KANK2: variants seen among roughly 807,000 people sequenced by gnomAD.
The protein encoded by KANK2 is KN motif and ankyrin repeat domain-containing protein 2.
Under a neutral mutation model 74.6 loss-of-function variants are expected in KANK2, and 41 were observed. That is an observed-to-expected ratio of 0.55 (90% CI 0.43 to 0.71). The LOEUF (loss-of-function observed/expected upper bound fraction) is 0.71. KANK2 is among the 30% of genes least tolerant of loss of function. The probability of loss-of-function intolerance (pLI) is 0.00; values close to 1 mark genes in which losing one functional copy is unlikely to be tolerated. For synonymous variants in KANK2, 537 were observed against 519.0 expected, an observed-to-expected ratio of 1.03 and a Z score of -0.47; for missense variants, 1,148 against 1,196.4, an observed-to-expected ratio of 0.96 and a Z score of 0.60.
chr19:11,173,807 A>G (rs370229), intron 9 of KANK2, among the ~76,000 whole-genome samples: 82,035 of 151,804 alleles, frequency 0.54, 22,565 homozygotes, highest in Non-Finnish European at 0.58. Context: ...CTCCCTCGTT[A>G]GACTGGGAAG....
At chr19:11,192,107 A>G (rs1600824890) in intron 4 of KANK2, among the ~76,000 whole-genome samples, 1 of 152,172 alleles carries the variant, frequency 6.6e-6, no homozygotes, top group African/African-American at 2.4e-5. Flanking sequence ...GGATCCAGCC[A>G]TGCCTGAAGC....
rs184236747 is a variant in KANK2, at chr19:11,174,727, C to T, written c.1849-35G>A. 24 of 1,517,604 alleles carry T rather than the reference C, an allele frequency of 1.6e-5. No individual in the cohort carries two copies. The East Asian group carries it at 1.7e-4, about 11-fold the overall frequency. 94.0% of individuals were successfully genotyped at this position (1,517,604 alleles called of 1,614,324 possible). On this transcript the variant is annotated intron_variant, in intron 8 of 12. Transcript: ENST00000586659. ...AGTCAGGTGGGAGAGGATGTGAGGG[C>T]GGGGGAGGCCCACTGGGACACCCCC...
chr19:11,181,621 T>C (rs2078521166), intron 4 of KANK2, among the ~76,000 whole-genome samples: 1 of 151,724 alleles, frequency 6.6e-6, no homozygotes, highest in Non-Finnish European at 1.5e-5. Flanking sequence ...GAATGGGAAG[T>C]GTGTTTAATG....
chr19:11,176,851 G>A (rs2078356505), intron 6 of KANK2, 34 bp from the exon 7 acceptor site: 1 of 1,488,708 alleles, frequency 6.7e-7, no homozygotes, highest in Non-Finnish European at 8.9e-7. Flanking sequence ...GGGAGATGCT[G>A]CAGGTGGGAT....
intron 10 of KANK2, among the ~76,000 whole-genome samples, chr19:11,171,082 C>T (rs527606611): frequency 1.3e-4 from 20 of 152,238 alleles, no homozygotes; most frequent in African/African-American, 4.1e-4. Flanking sequence ...GGTTTACAGG[C>T]GTGAGCCATC....
At chr19:11,194,236 C>T (rs764244098) in intron 3 of KANK2, among the ~76,000 whole-genome samples, 194 bp from the exon 4 acceptor site, 25 of 152,034 alleles carry the variant, frequency 1.6e-4, no homozygotes, top group South Asian at 6.2e-4. Context: ...TAGGCTATGT[C>T]GCCTCTCAAA....
chr19:11,178,629 C>G lies in KANK2; in HGVS notation c.1341G>C (p.Val447=). Residue 447 remains valine, a synonymous_variant, in exon 5 of 13, where the codon GTG becomes GTC. Coordinates refer to ENST00000586659, the MANE Select transcript of KANK2 (RefSeq NM_001136191.3). ...CCCTGTGGGTGGGCTCCTGGGTGGG[C>G]ACTCGGCCTGTGCTCTTCTCAGGCT... ...LTQPEKSTGR[V]PTQEPTHREP... is the part of the protein sequence containing the mutation. 1 of 1,594,832 alleles carries G rather than the reference C, an allele frequency of 6.3e-7. No individual in the cohort carries two copies.
At chr19:11,180,266 G>T (rs2078475945) in intron 4 of KANK2, among the ~76,000 whole-genome samples, 2 of 152,020 alleles carry the variant, frequency 1.3e-5, no homozygotes, top group African/African-American at 4.8e-5. Flanking sequence ...AGGTTGTTGG[G>T]GTTTTTTTCT....
chr19:11,194,801 T>A, intron 2 of KANK2: 1 of 328,534 alleles, frequency 3.0e-6, no homozygotes, highest in Non-Finnish European at 5.7e-6. Flanking sequence ...CCTCACTGCC[T>A]GCTTGCACAT....
intron 9 of KANK2, among the ~76,000 whole-genome samples, chr19:11,173,995 C>T (rs1346868171): frequency 2.0e-5 from 3 of 151,902 alleles, no homozygotes; most frequent in South Asian, 4.2e-4. Flanking sequence ...AGGGTGGTGC[C>T]CCCCCCATCA....
chr19:11,181,444 AC>A (rs1230298867), intron 4 of KANK2, among the ~76,000 whole-genome samples: 1 of 151,928 alleles, frequency 6.6e-6, no homozygotes, highest in East Asian at 1.9e-4. Flanking sequence ...ACAAGGTTTC[AC>A]CATGTTGGCC....
intron 10 of KANK2, among the ~76,000 whole-genome samples, chr19:11,171,613 A>G (rs1386779674): frequency 6.6e-6 from 1 of 151,488 alleles, no homozygotes; most frequent in Non-Finnish European, 1.5e-5. Flanking sequence ...ACCTCAAGCA[A>G]TTTATCCCGC....
At chr19:11,184,601 G>A (rs2078623348) in intron 4 of KANK2, among the ~76,000 whole-genome samples, 1 of 149,598 alleles carries the variant, frequency 6.7e-6, no homozygotes, top group Admixed American at 6.8e-5. Context: ...ACCAGTCACA[G>A]ACAGTATGTA....
At chr19:11,183,680 C>T (rs1340784538) in intron 4 of KANK2, among the ~76,000 whole-genome samples, 1 of 148,890 alleles carries the variant, frequency 6.7e-6, no homozygotes, top group African/African-American at 2.5e-5. Flanking sequence ...GAGAGAGTCT[C>T]GCATTGTCAC....
intron 4 of KANK2, among the ~76,000 whole-genome samples, chr19:11,180,755 T>C (rs912191212): frequency 3.3e-5 from 5 of 152,076 alleles, no homozygotes; most frequent in African/African-American, 1.2e-4. Context: ...AGATTCACAA[T>C]CTCAATCTCT....
Position 11,166,570 on chromosome 19 carries a change from C to T in KANK2, c.2544G>A (p.Ser848=), listed in dbSNP as rs772013085. 3.7e-6 allele frequency: 6 copies of T among 1,614,016 alleles called. No homozygotes were observed. The African/African-American group carries it at 4.0e-5, about 11-fold the overall frequency. The stretch of plus-strand genomic sequence containing the variant: ...GCCTCCCTCACGGCTACTCTTCTGC[C>T]GAGGATGATGTAGGGCTCTCGTCAT... ...MSDDESPTSS[S]AEE is the part of the protein sequence containing the mutation. Residue 848 remains serine, a synonymous_variant, in exon 13 of 13, where the codon TCG becomes TCA. Coordinates refer to ENST00000586659, the MANE Select transcript of KANK2 (RefSeq NM_001136191.3).
rs201101003 is a variant in KANK2 at position 11,194,449 on chromosome 19, G to A, written c.37+26C>T. The A allele has an allele frequency of 5.6e-5, 89 of 1,602,700 alleles. No individual in the cohort carries two copies. In the Middle Eastern group the frequency reaches 1.7e-3, roughly 30 times the overall value. ...TCCAGAACTGAAGCTCCCCGGGGCA[G>A]GGCCCTCTTCCCTGAGTCCCCTGAC... On this transcript the variant is annotated intron_variant, in intron 3 of 12. Coordinates refer to ENST00000586659, the MANE Select transcript of KANK2 (RefSeq NM_001136191.3).
intron 4 of KANK2, among the ~76,000 whole-genome samples, chr19:11,186,882 A>C (rs12984184): frequency 0.052 from 7,919 of 152,118 alleles, 688 homozygotes; most frequent in African/African-American, 0.18. Flanking sequence ...AGTCCCACAG[A>C]AGGGGTCGTG....
rs1205692393 is a variant in KANK2 at position 11,170,654 on chromosome 19, A to C, written c.2212-406T>G. ...GCCCAGGTTGGCGTGCAGTGGCACG[A>C]TCGCAGCTCACTGCAGCCTCAACCT... On this transcript the variant is annotated intron_variant, in intron 10 of 12. Transcript: ENST00000586659. This position sits in a 1 kb window ranked among gnomAD's most constrained non-coding sequence, Gnocchi z 5.2. Among the ~76,000 whole-genome samples, 1 of 152,146 alleles carries C rather than the reference A, an allele frequency of 6.6e-6. No homozygotes were observed. The highest frequency in any genetic ancestry group is 6.5e-5 in the Admixed American group (1 of 15,268).
Sources: gnomAD v4.1 joint callset for allele counts (sites outside exome capture counted in the v4.1 genomes callset) on GRCh38, gnomAD v4.1.1 for gene constraint, Gnocchi (gnomAD v3.1) non-coding constraint, MANE v1.5 for transcripts, NCBI Gene and HGNC (gene_info 2026-07-23, HGNC 2026-07-21) for gene names.